LRP12: variants seen among roughly 807,000 people sequenced by gnomAD.
LRP12 encodes LDL receptor related protein 12.
LRP12 carries 14 observed loss-of-function variants against 66.0 expected under a neutral mutation model. The ratio of observed to expected loss-of-function variants is 0.21; its 90% CI spans 0.14 to 0.33. The LOEUF is 0.33. Among genes scored for constraint, LRP12 ranks in the 10% least tolerant of loss-of-function variants. The pLI is 1.00. For missense variants in LRP12, 889 were observed against 1,053.4 expected (o/e 0.84, Z 2.16); for synonymous variants, 357 against 359.1 (o/e 0.99, Z 0.07).
At chr8:104,492,578 GAAGA>G (rs1810653080) in intron 6 of LRP12, among the ~76,000 whole-genome samples, 1 of 152,082 alleles carries the variant, frequency 6.6e-6, no homozygotes, top group Admixed American at 6.5e-5. Context: ...TCCCCTCACA[GAAGA>G]AAGAAGGTAG....
intron 3 of LRP12, among the ~76,000 whole-genome samples, chr8:104,503,684 C>T (rs1480048770): frequency 1.3e-5 from 2 of 152,140 alleles, no homozygotes; most frequent in Non-Finnish European, 2.9e-5. Flanking sequence ...CTACAAAGCT[C>T]TGTACACAGT....
At position 104,491,270 on chromosome 8, in the gene LRP12, T is replaced by TC; in HGVS notation, c.1982dup (p.Arg662LysfsTer46). The stretch of plus-strand genomic sequence containing the variant: ...CACCAGATGCTCCTGCCATATCTCT[T>TC]CTCTCATTTTCTGTGTCTGTATCAT... On this transcript the variant is annotated frameshift_variant, in exon 7 of 7. Coordinates refer to ENST00000276654, the MANE Select transcript of LRP12 (RefSeq NM_013437.5). LOFTEE classifies it high-confidence loss of function. 6.2e-7 allele frequency: 1 copy of TC among 1,614,064 alleles called. No homozygotes were observed. Among genetic ancestry groups the TC allele is most frequent in the African/African-American group, 1.3e-5 (1 of 75,006 alleles).
At chr8:104,556,113 C>T (rs1339799946) in intron 1 of LRP12, among the ~76,000 whole-genome samples, 3 of 151,904 alleles carry the variant, frequency 2.0e-5, no homozygotes, top group Non-Finnish European at 4.4e-5. Flanking sequence ...TTGAATGGCA[C>T]AATAGTGACA....
chr8:104,496,395 C>T (rs1810727363), intron 5 of LRP12, among the ~76,000 whole-genome samples: 2 of 152,186 alleles, frequency 1.3e-5, no homozygotes, highest in Admixed American at 1.3e-4. Context: ...TTTCCCCTAT[C>T]TATATTCTTC....
Position 104,579,866 on chromosome 8 carries a change from C to A in LRP12, c.79+8953G>T, listed in dbSNP as rs185334460. Among the ~76,000 whole-genome samples, 587 of 151,974 alleles carry A rather than the reference C, an allele frequency of 3.9e-3. 4 individuals carry two copies. The highest frequency in any genetic ancestry group is 0.013 in the African/African-American group (541 of 41,366). On this transcript the variant is annotated intron_variant, in intron 1 of 6. Coordinates refer to ENST00000276654, the MANE Select transcript of LRP12 (RefSeq NM_013437.5). ...ATTCAATAAATGGTGCTGGGGTAAC[C>A]GGCTAGTCATATGCAGAGGACTGAA...
At chr8:104,574,156 T>A (rs942148678) in intron 1 of LRP12, among the ~76,000 whole-genome samples, 4 of 152,138 alleles carry the variant, frequency 2.6e-5, no homozygotes, top group African/African-American at 9.7e-5. Context: ...TCTCAAAAAA[T>A]TTTTGTTTCT....
chr8:104,550,744 A>C (rs918155533), intron 1 of LRP12, among the ~76,000 whole-genome samples: 1 of 152,186 alleles, frequency 6.6e-6, no homozygotes, highest in African/African-American at 2.4e-5. Flanking sequence ...ATTAAATATA[A>C]GCTTCAAAGG....
intron 1 of LRP12, among the ~76,000 whole-genome samples, chr8:104,561,051 G>A (rs562037288): frequency 5.3e-5 from 8 of 152,218 alleles, no homozygotes; most frequent in African/African-American, 1.7e-4. Flanking sequence ...TGGGCCATAC[G>A]GTTTCTGTTG....
intron 1 of LRP12, among the ~76,000 whole-genome samples, chr8:104,562,645 TTC>T (rs1564145797): frequency 6.6e-6 from 1 of 152,194 alleles, no homozygotes. Flanking sequence ...GTATTTGTAT[TTC>T]TCTGACTGCT....
chr8:104,531,236 C>T (rs561771636), intron 2 of LRP12, among the ~76,000 whole-genome samples: 2 of 152,028 alleles, frequency 1.3e-5, no homozygotes, highest in Non-Finnish European at 2.9e-5. Context: ...TCAATATATG[C>T]AAAAATAAAT....
chr8:104,510,320 TA>T (rs1180433688), intron 2 of LRP12, among the ~76,000 whole-genome samples: 1 of 151,856 alleles, frequency 6.6e-6, no homozygotes, highest in East Asian at 1.9e-4. Context: ...CCAAGCTATT[TA>T]TTACAGGGTT....
chr8:104,493,915 T>G (rs1295037688), intron 6 of LRP12, among the ~76,000 whole-genome samples: 1 of 152,218 alleles, frequency 6.6e-6, no homozygotes, highest in Non-Finnish European at 1.5e-5. Context: ...AATCTGTGTC[T>G]GTATCCTCTC....
intron 1 of LRP12, among the ~76,000 whole-genome samples, chr8:104,544,336 T>G (rs1466457040): frequency 6.6e-6 from 1 of 152,194 alleles, no homozygotes; most frequent in African/African-American, 2.4e-5. Flanking sequence ...GGTGAGGCTG[T>G]AAGTACTGAT....
At chr8:104,542,484 C>A (rs576508138) in intron 1 of LRP12, among the ~76,000 whole-genome samples, 1 of 152,248 alleles carries the variant, frequency 6.6e-6, no homozygotes, top group Admixed American at 6.5e-5. Flanking sequence ...CTTTGAAGCA[C>A]AAGTGTTTTT....
intron 1 of LRP12, among the ~76,000 whole-genome samples, chr8:104,539,907 T>C (rs552377339): frequency 5.3e-5 from 8 of 151,402 alleles, no homozygotes; most frequent in Admixed American, 1.3e-4. Flanking sequence ...TGCAAATACA[T>C]ATTTTTTTAC....
intron 2 of LRP12, among the ~76,000 whole-genome samples, chr8:104,511,299 C>T (rs1466305270): frequency 2.0e-5 from 3 of 151,684 alleles, no homozygotes; most frequent in Non-Finnish European, 4.4e-5. Context: ...ACCTCAGCCT[C>T]CCGAAGTGCT....
chr8:104,566,674 G>A (rs979993612), intron 1 of LRP12, among the ~76,000 whole-genome samples: 2 of 152,128 alleles, frequency 1.3e-5, no homozygotes, highest in Non-Finnish European at 2.9e-5. Flanking sequence ...GGGAAGATCT[G>A]ACAATTAGAA....
intron 1 of LRP12, among the ~76,000 whole-genome samples, chr8:104,546,889 A>G (rs1020148704): frequency 2.7e-5 from 2 of 74,188 alleles, no homozygotes; most frequent in African/African-American, 5.9e-5. Context: ...TATTCTTCTT[A>G]TAATTATTAT....
intron 2 of LRP12, among the ~76,000 whole-genome samples, chr8:104,509,582 C>T (rs947366790): frequency 2.0e-5 from 3 of 152,024 alleles, no homozygotes; most frequent in African/African-American, 7.2e-5. Flanking sequence ...TCAAGTCACC[C>T]TTATTTTGCC....
Sources: gnomAD v4.1 joint callset for allele counts (sites outside exome capture counted in the v4.1 genomes callset) on GRCh38, gnomAD v4.1.1 for gene constraint, MANE v1.5 for transcripts, NCBI Gene and HGNC (gene_info 2026-07-23, HGNC 2026-07-21) for gene names.